The following RRAGC variants were observed in gnomAD, a reference collection of about 807,000 sequenced individuals.
RRAGC encodes ras-related GTP-binding protein C.
In RRAGC, 8 loss-of-function variants were observed where a neutral mutation model predicts 37.1. That is an observed-to-expected ratio of 0.22 (90% confidence interval 0.13 to 0.39). The LOEUF (loss-of-function observed/expected upper bound fraction) is 0.39. Ranked by LOEUF, RRAGC falls within the 10% of genes least tolerant of loss-of-function variation. The pLI is 1.00. For missense variants in RRAGC, 342 were observed against 497.6 expected (o/e 0.69, Z 2.98); for synonymous variants, 190 against 181.1 (o/e 1.05, Z -0.39).
At chr1:38,859,261 G>A (rs1570873580) in intron 1 of RRAGC, 149 bp downstream of exon 1, 2 of 780,702 alleles carry the variant, frequency 2.6e-6, no homozygotes, top group South Asian at 3.7e-5. Flanking sequence ...TCCCCGCGCG[G>A]GCCGCGCCTG....
intron 4 of RRAGC, among the ~76,000 whole-genome samples, 182 bp downstream of exon 4, chr1:38,852,192 T>C (rs1381228371): frequency 1.3e-5 from 2 of 152,228 alleles, no homozygotes; most frequent in Non-Finnish European, 2.9e-5. Flanking sequence ...AACATCTATT[T>C]AAGAATTCAG....
At chr1:38,848,953 G>A (rs776627907) in intron 5 of RRAGC, among the ~76,000 whole-genome samples, 1 of 152,044 alleles carries the variant, frequency 6.6e-6, no homozygotes, top group Non-Finnish European at 1.5e-5. Context: ...GCAACATAGT[G>A]AGACCCCATC....
At chr1:38,854,156 C>G (rs1011981134) in intron 3 of RRAGC, among the ~76,000 whole-genome samples, 1 of 149,994 alleles carries the variant, frequency 6.7e-6, no homozygotes, top group Non-Finnish European at 1.5e-5. Flanking sequence ...CAACCTCCAC[C>G]TCCTGGGTTC....
At chr1:38,857,159 T>C (rs961156250) in intron 1 of RRAGC, 77 bp from the exon 2 acceptor site, 22 of 1,226,274 alleles carry the variant, frequency 1.8e-5, no homozygotes, top group African/African-American at 1.2e-4. Flanking sequence ...TGGTTTAACA[T>C]TTAAACATTT....
At chr1:38,846,408 C>G in intron 5 of RRAGC, 1 of 221,300 alleles carries the variant, frequency 4.5e-6, no homozygotes, top group Admixed American at 6.1e-5. Flanking sequence ...TACTCACCCC[C>G]TAGACTGTGT....
At position 38,859,033 on chromosome 1, in the gene RRAGC, GT is replaced by G. The variant is rs1360682090; in HGVS notation, c.237+376del. ...TCCCGAAACACTCAGGTCACCTGAA[GT>G]GAGAACAAATCAAAACGGGCCAGGG... On this transcript the variant is annotated intron_variant, in intron 1 of 6. Coordinates refer to ENST00000373001, the MANE Select transcript of RRAGC (RefSeq NM_022157.4). Among the ~76,000 whole-genome samples the G allele has an allele frequency of 2.0e-5, 3 of 152,258 alleles. No individual in the cohort carries two copies. In the East Asian group the frequency reaches 5.8e-4, roughly 29 times the overall value.
intron 6 of RRAGC, among the ~76,000 whole-genome samples, chr1:38,844,198 G>A (rs1039095481): frequency 2.2e-4 from 33 of 152,040 alleles, no homozygotes; most frequent in Non-Finnish European, 4.0e-4. Flanking sequence ...TGACAGCCAC[G>A]AGAGTCACAA....
At chr1:38,848,087 T>C (rs1180536850) in intron 5 of RRAGC, 4 of 151,046 alleles carry the variant, frequency 2.6e-5, no homozygotes, top group African/African-American at 9.7e-5. Flanking sequence ...TGAAGTAATC[T>C]CCTGGCAAAG....
At chr1:38,843,552 C>G (rs1368451895) in intron 6 of RRAGC, among the ~76,000 whole-genome samples, 3 of 151,910 alleles carry the variant, frequency 2.0e-5, no homozygotes, top group Admixed American at 2.0e-4. Flanking sequence ...AACCCCGCCT[C>G]TACTAAAAAT....
chr1:38,850,005 G>A (rs922704339), intron 5 of RRAGC, among the ~76,000 whole-genome samples: 2 of 145,096 alleles, frequency 1.4e-5, no homozygotes, highest in African/African-American at 5.2e-5. Context: ...AGGAGTTCGA[G>A]ACCAGCCTGG....
intron 3 of RRAGC, among the ~76,000 whole-genome samples, chr1:38,855,216 G>A (rs1447849560): frequency 1.3e-5 from 2 of 152,152 alleles, no homozygotes; most frequent in Non-Finnish European, 2.9e-5. Flanking sequence ...GGAGGTGGAA[G>A]GGAGCCAGCA....
intron 3 of RRAGC, among the ~76,000 whole-genome samples, chr1:38,854,562 T>G (rs1030893063): frequency 1.3e-5 from 2 of 152,184 alleles, no homozygotes; most frequent in Admixed American, 6.5e-5. Flanking sequence ...AAAATCCAGG[T>G]AAAAAACTAT....
At chr1:38,855,942 T>C (rs771170559) in intron 2 of RRAGC, 35 bp from the exon 3 acceptor site, 3 of 1,539,070 alleles carry the variant, frequency 1.9e-6, no homozygotes, top group Non-Finnish European at 2.7e-6. Flanking sequence ...TTAAAATAAA[T>C]CTTACAAAAG....
At chr1:38,854,048 T>C (rs1642135269) in intron 3 of RRAGC, among the ~76,000 whole-genome samples, 1 of 148,974 alleles carries the variant, frequency 6.7e-6, no homozygotes, top group Admixed American at 6.8e-5. Flanking sequence ...ATAGGACTGC[T>C]AGTACTAAAT....
At chr1:38,845,897 C>T in intron 6 of RRAGC, 42 bp downstream of exon 6, 1 of 1,517,294 alleles carries the variant, frequency 6.6e-7, no homozygotes, top group Non-Finnish European at 8.9e-7. Context: ...GAAGTTATGG[C>T]AAAGAAATTA....
At chr1:38,853,939 T>G (rs1470944679) in intron 3 of RRAGC, among the ~76,000 whole-genome samples, 1 of 152,080 alleles carries the variant, frequency 6.6e-6, no homozygotes, top group Non-Finnish European at 1.5e-5. Flanking sequence ...CCCGCACCTT[T>G]GAGGCTTGAG....
intron 5 of RRAGC, among the ~76,000 whole-genome samples, chr1:38,850,406 C>T (rs543731132): frequency 6.6e-6 from 1 of 151,866 alleles, no homozygotes; most frequent in South Asian, 2.1e-4. Flanking sequence ...CCCAGCTACT[C>T]AGGAGGCTGA....
chr1:38,841,889 C>T (rs1002409084), intron 6 of RRAGC, among the ~76,000 whole-genome samples: 2 of 152,130 alleles, frequency 1.3e-5, no homozygotes, highest in African/African-American at 2.4e-5. Flanking sequence ...ATAATCCCAG[C>T]GCTTTGGGAG....
chr1:38,851,864 T>C (rs980361321), intron 4 of RRAGC, 107 bp from the exon 5 acceptor site: 4 of 948,710 alleles, frequency 4.2e-6, no homozygotes, highest in Non-Finnish European at 4.8e-6. Context: ...TTTTTAATTA[T>C]ATAACCCAAT....
Sources: allele counts gnomAD v4.1 joint callset (sites outside exome capture counted in the v4.1 genomes callset), GRCh38; gene constraint gnomAD v4.1.1; transcripts MANE v1.5; gene names NCBI Gene and HGNC (gene_info 2026-07-23, HGNC 2026-07-21).